The following LSM3 variants were observed in gnomAD, a reference collection of about 807,000 sequenced individuals.
LSM3 encodes LSM3 homolog, U6 small nuclear RNA and mRNA degradation associated, also known as U6 snRNA-associated Sm-like protein LSm3.
Under a neutral mutation model 15.4 loss-of-function variants are expected in LSM3, and 14 were observed. The observed-to-expected ratio is 0.91, with a 90% CI of 0.60 to 1.42. The LOEUF (loss-of-function observed/expected upper bound fraction) is 1.42, where lower values mean the gene tolerates loss of function less well. LSM3 is among the 40% of genes most tolerant of loss of function. LSM3 has a pLI of 0.00. For missense variants in LSM3, 88 were observed against 127.9 expected (o/e 0.69, Z 1.50); for synonymous variants, 46 against 45.1 (o/e 1.02, Z -0.08).
At chr3:14,192,167 C>T (rs779979606) in intron 3 of LSM3, among the ~76,000 whole-genome samples, 1 of 152,154 alleles carries the variant, frequency 6.6e-6, no homozygotes, top group Non-Finnish European at 1.5e-5. Context: ...GATTTCTGTT[C>T]TTTTACATTT....
At position 14,199,273 on chromosome 3, in the gene LSM3, A is replaced by G. The variant is rs1317786981; in HGVS notation, c.*1157A>G. On this transcript the variant is annotated 3_prime_UTR_variant, in exon 4 of 4. Transcript: ENST00000306024. Reference sequence around the variant, plus strand: ...GTTTTTATTTCTAGCTTCAGTCAGCACATAATGCTTAAAACCTAAAGAGGA... The same window carrying G: ...GTTTTTATTTCTAGCTTCAGTCAGCGCATAATGCTTAAAACCTAAAGAGGA... The G allele has an allele frequency of 1.3e-5, 2 of 152,268 alleles. No homozygotes were observed. The highest frequency in any genetic ancestry group is 2.9e-5 in the Non-Finnish European group (2 of 68,050). The allele number at this position is 152,268 out of a possible 1,614,324, so 9.4% of individuals were successfully genotyped here. A position where few individuals can be genotyped will look rare whatever the true frequency, so the allele number is the denominator to read the frequency against.
chr3:14,184,644 C>G lies in LSM3; in HGVS notation c.228+612C>G, dbSNP rs28613494. Among the ~76,000 whole-genome samples the G allele has an allele frequency of 3.0e-3, 446 of 150,912 alleles. 3 individuals carry two copies. The highest frequency in any genetic ancestry group is 0.01 in the African/African-American group (425 of 41,298). Reference sequence around the variant, plus strand: ...TAGTGGCGGGCGCCTGTAGTCCCAGCTACTTGGGAGGCTGAGGCAGGAGAA... The same window carrying G: ...TAGTGGCGGGCGCCTGTAGTCCCAGGTACTTGGGAGGCTGAGGCAGGAGAA... On this transcript the variant is annotated intron_variant, in intron 3 of 3. Coordinates refer to ENST00000306024, the MANE Select transcript of LSM3 (RefSeq NM_014463.3).
intron 3 of LSM3, among the ~76,000 whole-genome samples, chr3:14,193,090 C>T (rs567999036): frequency 2.6e-5 from 4 of 152,034 alleles, no homozygotes; most frequent in Admixed American, 1.3e-4. Flanking sequence ...TTTTCAAGAA[C>T]GTTGAATATT....
In LSM3 at chr3:14,198,276, C is replaced by A. The variant is rs1209494237; in HGVS notation, c.*160C>A. The A allele has an allele frequency of 5.0e-5, 30 of 594,138 alleles. No individual in the cohort carries two copies. The South Asian group carries it at 6.2e-4, about 12-fold the overall frequency. 36.8% of individuals were successfully genotyped at this position (594,138 alleles called of 1,614,324 possible). A position where few individuals can be genotyped will look rare whatever the true frequency, so the allele number is the denominator to read the frequency against. ...AATGAGTTGATTTGCAGATAACTCA[C>A]AACTTCTTAAGCTAAATGGTATTTT... On this transcript the variant is annotated 3_prime_UTR_variant, in exon 4 of 4. Coordinates refer to ENST00000306024, the MANE Select transcript of LSM3 (RefSeq NM_014463.3).
At chr3:14,189,855 G>A (rs1697123062) in intron 3 of LSM3, among the ~76,000 whole-genome samples, 1 of 152,180 alleles carries the variant, frequency 6.6e-6, no homozygotes, top group African/African-American at 2.4e-5. Flanking sequence ...TGGTGTTTTA[G>A]ACATGAAGTC....
chr3:14,186,590 T>C (rs1167784264), intron 3 of LSM3, among the ~76,000 whole-genome samples: 1 of 152,236 alleles, frequency 6.6e-6, no homozygotes, highest in Non-Finnish European at 1.5e-5. Context: ...CATTTAGCAT[T>C]TTTTTCTTTT....
rs1436714313 is a variant in LSM3 at position 14,180,820 on chromosome 3, C to CTTTT, written c.22-740_22-739insTTTT. Among the ~76,000 whole-genome samples the CTTTT allele has an allele frequency of 2.9e-4, 15 of 51,418 alleles. 1 individual carries two copies. The highest frequency in any genetic ancestry group is 5.7e-4 in the Admixed American group (2 of 3,530). 33.7% of individuals were successfully genotyped at this position (51,418 alleles called of 152,430 possible). A position where few individuals can be genotyped will look rare whatever the true frequency, so the allele number is the denominator to read the frequency against. On this transcript the variant is annotated intron_variant, in intron 1 of 3. Coordinates refer to ENST00000306024, the MANE Select transcript of LSM3 (RefSeq NM_014463.3). ...TGACTCCAAAGCCAGTGCTTGCTTG[C>CTTTT]CTTTTTTTTTTTTTTTTTTTTTTTT...
At chr3:14,187,541 T>C (rs1697100311) in intron 3 of LSM3, among the ~76,000 whole-genome samples, 2 of 152,236 alleles carry the variant, frequency 1.3e-5, no homozygotes, top group African/African-American at 2.4e-5. Flanking sequence ...TGTCTGCATC[T>C]GGTTCAGTGC....
rs568200750 is a variant in LSM3, at chr3:14,196,951, TTTC to T, written c.229-1081_229-1079del. Among the ~76,000 whole-genome samples, 23 of 152,366 alleles carry T rather than the reference TTTC, an allele frequency of 1.5e-4. No homozygotes were observed. The East Asian group carries it at 4.2e-3, about 28-fold the overall frequency. ...AGGCATAGTTTCTAGGACTGCTTTA[TTTC>T]TTCAGTTTCTCACCCCTGTTCTGCT... On this transcript the variant is annotated intron_variant, in intron 3 of 3. Transcript: ENST00000306024.
intron 3 of LSM3, among the ~76,000 whole-genome samples, chr3:14,195,954 T>G (rs992173163): frequency 4.6e-5 from 7 of 151,432 alleles, no homozygotes; most frequent in Admixed American, 3.9e-4. Flanking sequence ...TGTGAGTTTT[T>G]TTTTTTTTTT....
At chr3:14,185,967 G>A (rs917294591) in intron 3 of LSM3, among the ~76,000 whole-genome samples, 5 of 151,824 alleles carry the variant, frequency 3.3e-5, no homozygotes, top group African/African-American at 1.2e-4. Flanking sequence ...AGGCTGGAGT[G>A]CAATGTCAGT....
intron 1 of LSM3, among the ~76,000 whole-genome samples, chr3:14,180,821 C>CTTTTTTTTT (rs1164090236): frequency 4.3e-5 from 2 of 46,746 alleles, no homozygotes; most frequent in Admixed American, 3.1e-4. Flanking sequence ...GCTTGCTTGC[C>CTTTTTTTTT]TTTTTTTTTT....
chr3:14,189,938 A>C (rs141663369), intron 3 of LSM3, among the ~76,000 whole-genome samples: 1,669 of 152,250 alleles, frequency 0.011, 32 homozygotes, highest in African/African-American at 0.038. Context: ...TAGGTCTTAC[A>C]TTTAAGTCTT....
intron 3 of LSM3, among the ~76,000 whole-genome samples, chr3:14,195,783 G>C (rs997108171): frequency 1.1e-4 from 16 of 152,026 alleles, no homozygotes; most frequent in Non-Finnish European, 2.4e-4. Flanking sequence ...AGTTAAGCCA[G>C]GGTGGCTCCT....
At chr3:14,190,871 C>T (rs573853446) in intron 3 of LSM3, among the ~76,000 whole-genome samples, 1 of 152,292 alleles carries the variant, frequency 6.6e-6, no homozygotes, top group Non-Finnish European at 1.5e-5. Flanking sequence ...TGCCGGTTTT[C>T]AGAGGGAATG....
At chr3:14,196,021 T>C (rs898657337) in intron 3 of LSM3, among the ~76,000 whole-genome samples, 17 of 151,960 alleles carry the variant, frequency 1.1e-4, no homozygotes, top group African/African-American at 3.4e-4. Context: ...GGCGCAATCT[T>C]GGCTCACTGC....
chr3:14,186,587 C>T (rs1697091581), intron 3 of LSM3, among the ~76,000 whole-genome samples: 1 of 152,124 alleles, frequency 6.6e-6, no homozygotes, highest in Non-Finnish European at 1.5e-5. Flanking sequence ...AAACATTTAG[C>T]ATTTTTTTCT....
At chr3:14,182,065 A>G (rs147133253) in intron 2 of LSM3, among the ~76,000 whole-genome samples, 1 of 152,244 alleles carries the variant, frequency 6.6e-6, no homozygotes, top group African/African-American at 2.4e-5. Context: ...TAAAAATGGG[A>G]TTATCTTGGC....
At chr3:14,186,467 G>C (rs570116417) in intron 3 of LSM3, among the ~76,000 whole-genome samples, 2 of 152,348 alleles carry the variant, frequency 1.3e-5, no homozygotes, top group East Asian at 3.9e-4. Flanking sequence ...CGTTGTCACT[G>C]TTAAACTGTT....
Sources: gnomAD v4.1 joint callset for allele counts (sites outside exome capture counted in the v4.1 genomes callset) on GRCh38, gnomAD v4.1.1 for gene constraint, MANE v1.5 for transcripts, NCBI Gene and HGNC (gene_info 2026-07-23, HGNC 2026-07-21) for gene names.